ITPA: variants seen among roughly 807,000 people sequenced by gnomAD.
ITPA encodes inosine triphosphatase, also known as inosine triphosphate pyrophosphatase.
Under a neutral mutation model 29.6 loss-of-function variants are expected in ITPA, and 29 were observed. The observed-to-expected ratio is 0.98, with a 90% CI of 0.73 to 1.34. The LOEUF is 1.34. Among genes scored for constraint, ITPA ranks in the 40% most tolerant of loss-of-function variants. ITPA has a pLI of 0.00. For missense variants in ITPA, 241 were observed against 251.5 expected (o/e 0.96, Z 0.28); for synonymous variants, 103 against 99.3 (o/e 1.04, Z -0.22).
Position 3,213,975 on chromosome 20 carries a change from T to C in ITPA, c.190-10T>C, listed in dbSNP as rs2067231430. ...CATGGGTCTCAGGGCTGTATGTCTT[T>C]GTGCTGCAGGTACAGGGGCCCGTGC... On this transcript the variant is annotated splice_polypyrimidine_tract_variant and intron_variant, in intron 3 of 7. Transcript: ENST00000380113. 4 of 1,614,186 alleles carry C rather than the reference T, an allele frequency of 2.5e-6. No individual in the cohort carries two copies. Among genetic ancestry groups the C allele is most frequent in the Non-Finnish European group, 3.4e-6 (4 of 1,180,018 alleles).
At chr20:3,219,922 G>T (rs1446085045) in intron 6 of ITPA, among the ~76,000 whole-genome samples, 2 of 150,498 alleles carry the variant, frequency 1.3e-5, no homozygotes. Flanking sequence ...CACACCTGTA[G>T]TCCTAGCTAC....
intron 7 of ITPA, among the ~76,000 whole-genome samples, chr20:3,222,648 T>C (rs1254224660): frequency 6.6e-6 from 1 of 152,190 alleles, no homozygotes; most frequent in East Asian, 1.9e-4. Flanking sequence ...AATCGCCCCT[T>C]GTTCACACAA....
At chr20:3,215,430 C>T in intron 5 of ITPA, 118 bp downstream of exon 5, 3 of 878,624 alleles carry the variant, frequency 3.4e-6, no homozygotes, top group South Asian at 1.4e-5. Flanking sequence ...ACCATGGAGC[C>T]TCCACCTCAT....
In ITPA at chr20:3,218,822, A is replaced by G. The variant is rs1188513705; in HGVS notation, c.411+190A>G. 7 of 650,832 alleles carry G rather than the reference A, an allele frequency of 1.1e-5. No homozygotes were observed. The East Asian group carries it at 1.7e-4, about 15-fold the overall frequency. 40.3% of individuals were successfully genotyped at this position (650,832 alleles called of 1,614,324 possible). On this transcript the variant is annotated intron_variant, in intron 6 of 7. Transcript: ENST00000380113. ...TGTGGATCCTAGGAGGGTGGTGGAA[A>G]GGGTTCCCTGGGGCCAGAGTAGTTG...
chr20:3,206,068 AAAAG>A (rs572085904), upstream of ITPA, among the ~76,000 whole-genome samples: 10,461 of 146,574 alleles, frequency 0.071, 348 homozygotes, highest in East Asian at 0.16. Context: ...AAAAAAAAAA[AAAAG>A]AAAGAAAGAA....
At chr20:3,204,499 C>T, upstream of ITPA, 3 of 1,535,774 alleles carry the variant, frequency 2.0e-6, no homozygotes, top group Non-Finnish European at 2.6e-6. Flanking sequence ...GGCCAGAAAA[C>T]CCGGTACCAC....
intron 5 of ITPA, among the ~76,000 whole-genome samples, chr20:3,216,629 A>T (rs2067307257): frequency 6.8e-6 from 1 of 147,740 alleles, no homozygotes. Flanking sequence ...AATTTTTTGT[A>T]TTTTTTGTAG....
At chr20:3,217,903 TGG>T (rs200150986) in intron 5 of ITPA, among the ~76,000 whole-genome samples, 2 of 137,134 alleles carry the variant, frequency 1.5e-5, no homozygotes. Context: ...TTAGTTTTTG[TGG>T]GTTTTTTTTT....
intron 1 of ITPA, 83 bp from the exon 2 acceptor site, chr20:3,213,086 G>T: frequency 7.3e-7 from 1 of 1,369,314 alleles, no homozygotes. Flanking sequence ...CAGAGTTATC[G>T]ATGAGAAAGG....
upstream of ITPA, chr20:3,204,816 G>GA (rs2067059646): frequency 3.5e-6 from 2 of 572,042 alleles, no homozygotes; most frequent in Non-Finnish European, 6.2e-6. Flanking sequence ...ATGTTAAGAG[G>GA]AAATTATAGC....
chr20:3,205,300 G>A (rs6051643), upstream of ITPA, among the ~76,000 whole-genome samples: 149,601 of 152,038 alleles, frequency 0.98, 73,609 homozygotes, highest in East Asian at 1. Flanking sequence ...GGGTTTTGCT[G>A]TATCTGTGAC....
intron 5 of ITPA, 120 bp from the exon 6 acceptor site, chr20:3,218,397 A>G (rs1039981594): frequency 3.0e-5 from 23 of 758,890 alleles, no homozygotes; most frequent in African/African-American, 6.9e-5. Context: ...CGCTACCCCA[A>G]TTGAGACCTA....
chr20:3,214,188 G>T, intron 4 of ITPA, 130 bp downstream of exon 4: 1 of 807,848 alleles, frequency 1.2e-6, no homozygotes, highest in South Asian at 1.5e-5. Flanking sequence ...TTGTCCCGAG[G>T]AAAGACGGGA....
intron 1 of ITPA, among the ~76,000 whole-genome samples, chr20:3,210,840 C>T (rs1355863169): frequency 1.3e-5 from 2 of 152,002 alleles, no homozygotes; most frequent in African/African-American, 4.8e-5. Context: ...CATCTGAGGT[C>T]AGGAGTTCAA....
chr20:3,204,389 C>T (rs1348228480), upstream of ITPA: 1 of 772,376 alleles, frequency 1.3e-6, no homozygotes, highest in South Asian at 1.8e-5. Context: ...CTGCGGAAGC[C>T]CCACCCGGCA....
chr20:3,213,576 C>T, intron 3 of ITPA, 193 bp downstream of exon 3: 2 of 682,568 alleles, frequency 2.9e-6, no homozygotes, highest in Non-Finnish European at 5.2e-6. Flanking sequence ...ATGGTATCTC[C>T]CCCAGACCAC....
At chr20:3,218,492 C>T (rs1414037302) in intron 5 of ITPA, 25 bp from the exon 6 acceptor site, 34 of 1,529,864 alleles carry the variant, frequency 2.2e-5, no homozygotes, top group Non-Finnish European at 3.0e-5. Context: ...TAGGGATGCA[C>T]TGAGCCCTCA....
chr20:3,223,311 G>A, intron 7 of ITPA, 55 bp from the exon 8 acceptor site: 1 of 1,303,108 alleles, frequency 7.7e-7, no homozygotes. Flanking sequence ...GGTTGGGAGG[G>A]GGTGCACTTC....
downstream of ITPA, among the ~76,000 whole-genome samples, chr20:3,225,384 C>A (rs1404025803): frequency 1.3e-5 from 2 of 152,122 alleles, no homozygotes; most frequent in Non-Finnish European, 2.9e-5. Context: ...TCTCCACCCC[C>A]CGCCACACCT....
Sources: allele counts gnomAD v4.1 joint callset (sites outside exome capture counted in the v4.1 genomes callset), GRCh38; gene constraint gnomAD v4.1.1; transcripts MANE v1.5; gene names NCBI Gene and HGNC (gene_info 2026-07-23, HGNC 2026-07-21).